DERA: variants seen among roughly 807,000 people sequenced by gnomAD.
DERA encodes the protein 2-deoxy-D-ribose 5-phosphate aldolase.
DERA carries 15 observed loss-of-function variants against 41.1 expected under a neutral mutation model. The observed-to-expected ratio is 0.37, with a 90% CI of 0.24 to 0.56. DERA has a LOEUF of 0.56. DERA is among the 20% of genes least tolerant of loss of function. The probability of loss-of-function intolerance (pLI) is 0.81; values close to 1 mark genes in which losing one functional copy is unlikely to be tolerated. For missense variants in DERA, 396 were observed against 403.4 expected (o/e 0.98, Z 0.16); for synonymous variants, 139 against 137.4 (o/e 1.01, Z -0.08).
intron 6 of DERA, among the ~76,000 whole-genome samples, chr12:16,005,914 G>A (rs536471991): frequency 6.6e-6 from 1 of 152,196 alleles, no homozygotes; most frequent in Non-Finnish European, 1.5e-5. Context: ...GCATAAGCAT[G>A]CAGGTATAAG....
Position 15,931,870 on chromosome 12 carries a change from C to G in DERA, c.31+20456C>G, listed in dbSNP as rs544457377. On this transcript the variant is annotated intron_variant, in intron 1 of 8. Transcript: ENST00000428559. The surrounding 1 kb of genome is among the most constrained non-coding windows in gnomAD (Gnocchi z 4.6). The stretch of plus-strand genomic sequence containing the variant: ...TTCCTTGTTTTTTCTTCTGTTGCTT[C>G]GTCTCTTGAGGAAGATCTTGTGAGT... Among the ~76,000 whole-genome samples the G allele has an allele frequency of 6.6e-6, 1 of 152,254 alleles. No homozygotes were observed. The highest frequency in any genetic ancestry group is 2.4e-5 in the African/African-American group (1 of 41,530).
At chr12:15,930,581 G>A (rs74065510) in intron 1 of DERA, among the ~76,000 whole-genome samples, 9,379 of 152,156 alleles carry the variant, frequency 0.062, 958 homozygotes, top group African/African-American at 0.21. Flanking sequence ...CTTAAGAACA[G>A]TAACACTTTT....
At chr12:15,986,472 T>C (rs1328941214) in intron 6 of DERA, among the ~76,000 whole-genome samples, 1 of 152,208 alleles carries the variant, frequency 6.6e-6, no homozygotes, top group Non-Finnish European at 1.5e-5. Context: ...TGGCTTTTTA[T>C]CTACAGACTC....
chr12:15,939,228 A>T (rs1417063077), intron 1 of DERA, among the ~76,000 whole-genome samples: 1 of 152,218 alleles, frequency 6.6e-6, no homozygotes, highest in Non-Finnish European at 1.5e-5. Flanking sequence ...TATCAGAAAT[A>T]TGAGTGAAAT....
In DERA at chr12:15,936,891, C is replaced by CTTGTCT. The variant is rs1565588627; in HGVS notation, c.32-20044_32-20043insTGTCTT. Reference sequence around the variant, plus strand: ...TTGTCTTGTCTTGTCTTGTCTTGTCCTGTCCTGTCCTGTCCTGTCCTGTCC... The same window carrying CTTGTCT: ...TTGTCTTGTCTTGTCTTGTCTTGTCCTTGTCTTGTCCTGTCCTGTCCTGTCCTGTCC... On this transcript the variant is annotated intron_variant, in intron 1 of 8. Transcript: ENST00000428559. The surrounding 1 kb of genome is among the most constrained non-coding windows in gnomAD (Gnocchi z 4.6). Among the ~76,000 whole-genome samples, 51 of 97,102 alleles carry CTTGTCT rather than the reference C, an allele frequency of 5.3e-4. No individual in the cohort carries two copies. Among genetic ancestry groups the CTTGTCT allele is most frequent in the African/African-American group, 1.4e-3 (39 of 28,636 alleles). The allele number at this position is 97,102 out of a possible 152,430, so 63.7% of individuals were successfully genotyped here.
chr12:15,938,655 A>G lies in DERA; in HGVS notation c.32-18281A>G, dbSNP rs1049575218. Among the ~76,000 whole-genome samples the G allele has an allele frequency of 3.9e-5, 6 of 152,346 alleles. No individual in the cohort carries two copies. The highest frequency in any genetic ancestry group is 1.4e-4 in the African/African-American group (6 of 41,584). Reference sequence around the variant, plus strand: ...ATACTTGGTAAATTTAGCACATTCTATAAATGGAGGATATTTTCAATTCAC... The same window carrying G: ...ATACTTGGTAAATTTAGCACATTCTGTAAATGGAGGATATTTTCAATTCAC... On this transcript the variant is annotated intron_variant, in intron 1 of 8. Transcript: ENST00000428559. This position sits in a 1 kb window ranked among gnomAD's most constrained non-coding sequence, Gnocchi z 4.1.
chr12:15,966,955 A>G lies in DERA; in HGVS notation c.508+4008A>G, dbSNP rs1433770522. On this transcript the variant is annotated intron_variant, in intron 5 of 8. Transcript: ENST00000428559. This position sits in a 1 kb window ranked among gnomAD's most constrained non-coding sequence, Gnocchi z 5.1. The stretch of plus-strand genomic sequence containing the variant: ...TGCTCCAGAACTCGTATTCCGTTGT[A>G]TCACTACACCATGTTGCATTTTACC... Among the ~76,000 whole-genome samples the G allele has an allele frequency of 1.3e-5, 2 of 152,166 alleles. No individual in the cohort carries two copies. The highest frequency in any genetic ancestry group is 2.9e-5 in the Non-Finnish European group (2 of 68,028).
At position 15,965,133 on chromosome 12, in the gene DERA, T is replaced by C. The variant is rs959741774; in HGVS notation, c.508+2186T>C. On this transcript the variant is annotated intron_variant, in intron 5 of 8. Transcript: ENST00000428559. This position sits in a 1 kb window ranked among gnomAD's most constrained non-coding sequence, Gnocchi z 4.1. ...TTACATATTGTATTTTTCAGTGTCA[T>C]GTTTTAATATTAGCTGTTTATTAAA... Among the ~76,000 whole-genome samples the C allele has an allele frequency of 1.3e-5, 2 of 152,248 alleles. No individual in the cohort carries two copies. Among genetic ancestry groups the C allele is most frequent in the Non-Finnish European group, 2.9e-5 (2 of 68,036 alleles).
rs765142871 is a variant in DERA, at chr12:15,982,355, C to T, written c.556C>T (p.His186Tyr). 63 of 1,613,668 alleles carry T rather than the reference C, an allele frequency of 3.9e-5. No homozygotes were observed. Among genetic ancestry groups the T allele is most frequent in the Non-Finnish European group, 4.6e-5 (54 of 1,179,768 alleles). ...GTTTCGCAAGGCCTGTGGGGAGGCT[C>T]ATCTTAAAACTATATTAGCGACAGG... ...RQFRKACGEAHLKTILATGEL... is the reference protein window; with the variant it reads ...RQFRKACGEAYLKTILATGEL... Residue 186 changes from histidine (H) to tyrosine (Y), a missense_variant, in exon 6 of 9, where the codon CAT becomes TAT. Coordinates refer to ENST00000428559, the MANE Select transcript of DERA (RefSeq NM_015954.4). This position sits in a 1 kb window ranked among gnomAD's most constrained non-coding sequence, Gnocchi z 4.0.
chr12:15,960,612 G>C (rs549396867), intron 4 of DERA, among the ~76,000 whole-genome samples: 1 of 129,286 alleles, frequency 7.7e-6, no homozygotes, highest in Admixed American at 9.3e-5. Flanking sequence ...ACTCCAGCTT[G>C]GGTGATAGAC....
At chr12:16,007,795 G>A (rs1407732098) in intron 6 of DERA, among the ~76,000 whole-genome samples, 1 of 152,076 alleles carries the variant, frequency 6.6e-6, no homozygotes, top group Non-Finnish European at 1.5e-5. Flanking sequence ...TACTATTGCT[G>A]AAGCTCCTTA....
chr12:15,959,962 CAT>C lies in DERA; in HGVS notation c.373+39_373+40del. The stretch of plus-strand genomic sequence containing the variant: ...GTGGCTTTTGTTGTTATTTTTTAAA[CAT>C]GTTTCCAGTTCTTCATACAATGGGG... On this transcript the variant is annotated intron_variant, in intron 4 of 8. Transcript: ENST00000428559. The surrounding 1 kb of genome is among the most constrained non-coding windows in gnomAD (Gnocchi z 4.5). The C allele has an allele frequency of 6.8e-7, 1 of 1,463,852 alleles. No individual in the cohort carries two copies. Among genetic ancestry groups the C allele is most frequent in the Non-Finnish European group, 9.3e-7 (1 of 1,072,378 alleles). The allele number at this position is 1,463,852 out of a possible 1,614,324, so 90.7% of individuals were successfully genotyped here.
At chr12:16,018,709 C>G (rs532778833) in intron 6 of DERA, among the ~76,000 whole-genome samples, 7 of 151,988 alleles carry the variant, frequency 4.6e-5, no homozygotes, top group Admixed American at 1.3e-4. Context: ...TAATTATAGT[C>G]CTTAGAAAAG....
rs1410765172 is a variant in DERA, at chr12:15,938,359, G to C, written c.32-18577G>C. ...TAGATCTTCTGTTCAAGAGAAAATAGTTCCATTCAAACAGTAAAAAATTCA... is the reference window on the plus strand; with the variant it reads ...TAGATCTTCTGTTCAAGAGAAAATACTTCCATTCAAACAGTAAAAAATTCA... On this transcript the variant is annotated intron_variant, in intron 1 of 8. Coordinates refer to ENST00000428559, the MANE Select transcript of DERA (RefSeq NM_015954.4). The surrounding 1 kb of genome is among the most constrained non-coding windows in gnomAD (Gnocchi z 4.1). Among the ~76,000 whole-genome samples the C allele has an allele frequency of 2.6e-5, 4 of 152,034 alleles. No homozygotes were observed. Among genetic ancestry groups the C allele is most frequent in the African/African-American group, 4.8e-5 (2 of 41,384 alleles).
chr12:15,926,025 G>A (rs897418016), intron 1 of DERA, among the ~76,000 whole-genome samples: 2 of 151,506 alleles, frequency 1.3e-5, no homozygotes, highest in Non-Finnish European at 2.9e-5. Flanking sequence ...GTTTCACTAT[G>A]TTGGCCAGGC....
rs989597938 is a variant in DERA, at chr12:16,004,613, A to T, written c.637+22177A>T. Among the ~76,000 whole-genome samples, 1 of 152,228 alleles carries T rather than the reference A, an allele frequency of 6.6e-6. No individual in the cohort carries two copies. Among genetic ancestry groups the T allele is most frequent in the South Asian group, 2.1e-4 (1 of 4,834 alleles). ...AATAGTAGTCATATTAACTTATTAA[A>T]TTGTATGCTCTCAAGAAACAAGTGG... On this transcript the variant is annotated intron_variant, in intron 6 of 8. Coordinates refer to ENST00000428559, the MANE Select transcript of DERA (RefSeq NM_015954.4). The surrounding 1 kb of genome is among the most constrained non-coding windows in gnomAD (Gnocchi z 4.2).
chr12:16,007,778 C>T (rs1434480032), intron 6 of DERA, among the ~76,000 whole-genome samples: 2 of 152,142 alleles, frequency 1.3e-5, no homozygotes, highest in Non-Finnish European at 2.9e-5. Flanking sequence ...TCTCTTCCTT[C>T]ATTTTCTACT....
intron 5 of DERA, chr12:15,971,817 C>A: frequency 4.8e-6 from 1 of 207,116 alleles, no homozygotes; most frequent in Middle Eastern, 5.6e-4. Context: ...TGTACCCAGC[C>A]GGATCTCAAC....
Position 15,966,911 on chromosome 12 carries a change from A to C in DERA, c.508+3964A>C, listed in dbSNP as rs960702076. ...ACCAAACCTCCTGAGCACCAGGACCACCTGGACCCGGGGCCACCTGCTCCA... is the reference window on the plus strand; with the variant it reads ...ACCAAACCTCCTGAGCACCAGGACCCCCTGGACCCGGGGCCACCTGCTCCA... On this transcript the variant is annotated intron_variant, in intron 5 of 8. Coordinates refer to ENST00000428559, the MANE Select transcript of DERA (RefSeq NM_015954.4). This position sits in a 1 kb window ranked among gnomAD's most constrained non-coding sequence, Gnocchi z 5.1. 1.3e-5 allele frequency among the ~76,000 whole-genome samples: 2 copies of C among 152,104 alleles called. No individual in the cohort carries two copies. Among genetic ancestry groups the C allele is most frequent in the African/African-American group, 4.8e-5 (2 of 41,432 alleles).
Sources: allele counts gnomAD v4.1 joint callset (sites outside exome capture counted in the v4.1 genomes callset), GRCh38; gene constraint gnomAD v4.1.1; non-coding constraint Gnocchi (gnomAD v3.1); transcripts MANE v1.5; gene names NCBI Gene and HGNC (gene_info 2026-07-23, HGNC 2026-07-21).